Variants in RBFOX1 observed in about 807,000 individuals in gnomAD.
RBFOX1 encodes RNA binding fox-1 homolog 1, also known as RNA binding protein fox-1 homolog 1.
In RBFOX1, 8 loss-of-function variants were observed where a neutral mutation model predicts 57.7. That is an observed-to-expected ratio of 0.14 (90% CI 0.08 to 0.25). RBFOX1 has a LOEUF of 0.25. Ranked by LOEUF, RBFOX1 falls within the 10% of genes least tolerant of loss-of-function variation. The pLI is 1.00. For missense variants in RBFOX1, 611 were observed against 548.5 expected (o/e 1.11, Z -1.14); for synonymous variants, 326 against 222.4 (o/e 1.47, Z -4.15).
chr16:5,284,591 G>C (rs1289820095), intron 1 of RBFOX1, among the ~76,000 whole-genome samples: 1 of 148,052 alleles, frequency 6.8e-6, no homozygotes, highest in African/African-American at 2.5e-5. Context: ...ACCCAGGCTG[G>C]AGTACAGTGG....
chr16:6,708,150 G>A (rs1028881758), intron 3 of RBFOX1, among the ~76,000 whole-genome samples: 1 of 152,110 alleles, frequency 6.6e-6, no homozygotes, highest in Non-Finnish European at 1.5e-5. Context: ...GGGAGCGGGG[G>A]ATGTTGGGGG....
At chr16:5,366,683 C>G (rs1250858610) in intron 1 of RBFOX1, 3 of 417,464 alleles carry the variant, frequency 7.2e-6, no homozygotes, top group African/African-American at 2.1e-5. Context: ...TGGAGGAAGT[C>G]TCTTTAAGAA....
intron 1 of RBFOX1, among the ~76,000 whole-genome samples, chr16:5,418,519 C>T (rs82259): frequency 0.76 from 114,885 of 152,096 alleles, 44,046 homozygotes; most frequent in African/African-American, 0.88. Flanking sequence ...ATATTTCTTT[C>T]GGTGTAGACA....
chr16:7,507,358 G>A (rs920851806), intron 4 of RBFOX1, among the ~76,000 whole-genome samples: 2 of 149,998 alleles, frequency 1.3e-5, no homozygotes, highest in Non-Finnish European at 3.0e-5. Flanking sequence ...AAAGAATGTT[G>A]GTATGATGAT....
chr16:6,338,441 G>C (rs1280060249), intron 2 of RBFOX1, among the ~76,000 whole-genome samples: 4 of 152,218 alleles, frequency 2.6e-5, no homozygotes, highest in Non-Finnish European at 5.9e-5. Context: ...CGTGTGCCTA[G>C]ATGGAAATCT....
intron 4 of RBFOX1, among the ~76,000 whole-genome samples, chr16:7,239,654 G>A (rs1020286542): frequency 5.9e-5 from 9 of 152,134 alleles, no homozygotes; most frequent in African/African-American, 2.2e-4. Flanking sequence ...AAGACCGTGA[G>A]AACTCATTTG....
intron 3 of RBFOX1, among the ~76,000 whole-genome samples, chr16:5,771,056 C>A (rs1488233236): frequency 6.6e-6 from 1 of 152,190 alleles, no homozygotes; most frequent in Non-Finnish European, 1.5e-5. Context: ...AAACCTGAGG[C>A]TGCCTCCCAG....
At chr16:7,341,457 C>T (rs1038322169) in intron 4 of RBFOX1, among the ~76,000 whole-genome samples, 1 of 152,094 alleles carries the variant, frequency 6.6e-6, no homozygotes, top group Non-Finnish European at 1.5e-5. Context: ...TCTCCGTCCT[C>T]AGAGGTTGCG....
intron 2 of RBFOX1, among the ~76,000 whole-genome samples, chr16:6,590,344 C>T (rs371260437): frequency 6.6e-6 from 1 of 152,292 alleles, no homozygotes; most frequent in East Asian, 1.9e-4. Flanking sequence ...AGGTGTCATT[C>T]ATTTTTGTTG....
At chr16:6,350,851 G>C (rs2086231403) in intron 2 of RBFOX1, among the ~76,000 whole-genome samples, 1 of 152,160 alleles carries the variant, frequency 6.6e-6, no homozygotes, top group South Asian at 2.1e-4. Flanking sequence ...GGATGCATGG[G>C]GATTTGAACC....
chr16:7,116,001 C>A (rs1177500337), intron 4 of RBFOX1, among the ~76,000 whole-genome samples: 1 of 152,108 alleles, frequency 6.6e-6, no homozygotes, highest in Non-Finnish European at 1.5e-5. Flanking sequence ...TATGGAGTAA[C>A]CATTGTGCCA....
intron 10 of RBFOX1, chr16:7,614,126 C>G (rs893136620): frequency 5.3e-5 from 8 of 152,200 alleles, no homozygotes; most frequent in Non-Finnish European, 1.0e-4. Flanking sequence ...GGAGCAGTTC[C>G]TCATGAACCA....
intron 4 of RBFOX1, among the ~76,000 whole-genome samples, chr16:7,389,957 A>C (rs986318638): frequency 6.6e-6 from 1 of 152,166 alleles, no homozygotes; most frequent in African/African-American, 2.4e-5. Flanking sequence ...TAAAGGAAAG[A>C]GGTTTAATTG....
At chr16:5,531,718 G>T (rs1302541381) in intron 2 of RBFOX1, among the ~76,000 whole-genome samples, 1 of 152,124 alleles carries the variant, frequency 6.6e-6, no homozygotes, top group Non-Finnish European at 1.5e-5. Flanking sequence ...CATAGCAAGA[G>T]CCCATTAAGT....
At chr16:6,444,186 G>C (rs28691667) in intron 2 of RBFOX1, among the ~76,000 whole-genome samples, 1 of 152,068 alleles carries the variant, frequency 6.6e-6, no homozygotes, top group African/African-American at 2.4e-5. Context: ...GGTTTTGTCA[G>C]TGTGCACTGG....
At chr16:7,123,276 C>G (rs2067623043) in intron 4 of RBFOX1, among the ~76,000 whole-genome samples, 1 of 152,096 alleles carries the variant, frequency 6.6e-6, no homozygotes, top group Admixed American at 6.6e-5. Flanking sequence ...ATCTCCAGCC[C>G]ATAGCATCAT....
intron 2 of RBFOX1, among the ~76,000 whole-genome samples, chr16:6,585,320 T>A: frequency 6.6e-6 from 1 of 152,216 alleles, no homozygotes; most frequent in Non-Finnish European, 1.5e-5. Flanking sequence ...AGCATTGTCA[T>A]TACACACATT....
intron 4 of RBFOX1, among the ~76,000 whole-genome samples, chr16:7,177,329 C>G (rs1055501179): frequency 9.9e-5 from 15 of 152,118 alleles, no homozygotes; most frequent in African/African-American, 3.4e-4. Flanking sequence ...GCCTCAAGAG[C>G]TGAGGATGCA....
chr16:6,464,333 C>T (rs1000177589), intron 2 of RBFOX1, among the ~76,000 whole-genome samples: 3 of 152,144 alleles, frequency 2.0e-5, no homozygotes, highest in African/African-American at 4.8e-5. Context: ...AAAAGATATA[C>T]AGCTTTTATC....
Sources: gnomAD v4.1 joint callset for allele counts (sites outside exome capture counted in the v4.1 genomes callset) on GRCh38, gnomAD v4.1.1 for gene constraint, MANE v1.5 for transcripts, NCBI Gene and HGNC (gene_info 2026-07-23, HGNC 2026-07-21) for gene names.